ECHDC2: variants seen among roughly 807,000 people sequenced by gnomAD.
ECHDC2 encodes the protein enoyl-CoA hydratase domain containing 2, also known as enoyl-CoA hydratase domain-containing protein 2, mitochondrial.
A neutral mutation model predicts 40.6 loss-of-function variants in ECHDC2; 34 were observed. That is an observed-to-expected ratio of 0.84 (90% CI 0.64 to 1.11). ECHDC2 has a LOEUF of 1.11. Among genes scored for constraint, ECHDC2 ranks in the 50% most tolerant of loss-of-function variants. The pLI, the probability that ECHDC2 is intolerant of heterozygous loss-of-function variation, is 0.00. For missense variants in ECHDC2, 392 were observed against 400.7 expected (o/e 0.98, Z 0.19); for synonymous variants, 162 against 166.6 (o/e 0.97, Z 0.21).
intron 1 of ECHDC2, among the ~76,000 whole-genome samples, chr1:52,916,574 C>G (rs1650705279): frequency 6.6e-6 from 1 of 152,156 alleles, no homozygotes; most frequent in East Asian, 1.9e-4. Context: ...TGTAAAACGC[C>G]CAGATACTAG....
chr1:52,897,113 T>C, intron 9 of ECHDC2: 1 of 438,490 alleles, frequency 2.3e-6, no homozygotes, highest in South Asian at 3.1e-5. Context: ...GCCCTTGACC[T>C]CCCAACTCCA....
intron 1 of ECHDC2, among the ~76,000 whole-genome samples, chr1:52,918,467 C>T (rs943327485): frequency 2.0e-5 from 3 of 151,968 alleles, no homozygotes; most frequent in African/African-American, 4.8e-5. Context: ...GCTCCATGCA[C>T]GTTATCGCCC....
At chr1:52,913,763 C>G (rs554136745) in intron 1 of ECHDC2, 10 of 222,968 alleles carry the variant, frequency 4.5e-5, no homozygotes, top group Admixed American at 1.7e-4. Context: ...CACTGATGCA[C>G]TGTCGCCACC....
At chr1:52,920,329 G>C (rs1047750846) in intron 1 of ECHDC2, 1 of 637,444 alleles carries the variant, frequency 1.6e-6, no homozygotes, top group Non-Finnish European at 2.8e-6. Context: ...GGATTTTATG[G>C]CAAAGCCCCG....
At chr1:52,897,907 A>G (rs191325752) in intron 8 of ECHDC2, 1 of 257,326 alleles carries the variant, frequency 3.9e-6, no homozygotes, top group African/African-American at 2.2e-5. Flanking sequence ...AACCTGAGGC[A>G]TAGAAAGGTG....
chr1:52,910,659 G>A (rs1649247110), intron 3 of ECHDC2, among the ~76,000 whole-genome samples: 1 of 152,066 alleles, frequency 6.6e-6, no homozygotes. Context: ...GTGAGCCACT[G>A]CACCCAGCCC....
chr1:52,921,387 C>G (rs1479131509), intron 1 of ECHDC2, 166 bp downstream of exon 1: 1 of 1,395,404 alleles, frequency 7.2e-7, no homozygotes, highest in African/African-American at 1.5e-5. Context: ...GCCACTAAGG[C>G]GGCCGCCCAC....
At chr1:52,907,809 G>T in intron 4 of ECHDC2, 59 bp downstream of exon 4, 2 of 1,432,474 alleles carry the variant, frequency 1.4e-6, no homozygotes, top group Non-Finnish European at 2.0e-6. Context: ...GGGGGTAGCG[G>T]GACTGTCATC....
At chr1:52,898,311 C>T (rs1173873156) in intron 8 of ECHDC2, 1 of 152,396 alleles carries the variant, frequency 6.6e-6, no homozygotes. Context: ...AACTCCGCCT[C>T]CTGGGTTCAA....
At chr1:52,918,288 G>A (rs897496723) in intron 1 of ECHDC2, among the ~76,000 whole-genome samples, 2 of 151,598 alleles carry the variant, frequency 1.3e-5, no homozygotes, top group Non-Finnish European at 2.9e-5. Flanking sequence ...CCCTCTCAAC[G>A]TGCTGGGATT....
At chr1:52,919,005 T>C (rs1651333884) in intron 1 of ECHDC2, among the ~76,000 whole-genome samples, 1 of 152,164 alleles carries the variant, frequency 6.6e-6, no homozygotes, top group Non-Finnish European at 1.5e-5. Flanking sequence ...GTGGTGGCAT[T>C]AGAATCTCAT....
chr1:52,919,602 C>T (rs1486497641), intron 1 of ECHDC2, among the ~76,000 whole-genome samples: 3 of 152,164 alleles, frequency 2.0e-5, no homozygotes, highest in Non-Finnish European at 4.4e-5. Flanking sequence ...GAAATAAAGC[C>T]GCTAAGAACA....
intron 1 of ECHDC2, chr1:52,912,044 G>C: frequency 7.1e-7 from 1 of 1,400,878 alleles, no homozygotes; most frequent in Admixed American, 2.9e-5. Flanking sequence ...ATGGGGAGAG[G>C]AACAACAGTG....
intron 7 of ECHDC2, chr1:52,901,893 A>G (rs1008594284): frequency 3.9e-5 from 6 of 152,222 alleles, no homozygotes; most frequent in African/African-American, 1.4e-4. Context: ...GAAAGCTGCA[A>G]TCAGCCACTC....
intron 1 of ECHDC2, chr1:52,913,832 AC>A: frequency 1.2e-6 from 1 of 800,566 alleles, no homozygotes; most frequent in Non-Finnish European, 1.6e-6. Flanking sequence ...GTGGGTTTAC[AC>A]AGATGCATAA....
chr1:52,918,032 G>C (rs972245665), intron 1 of ECHDC2, among the ~76,000 whole-genome samples: 1 of 152,020 alleles, frequency 6.6e-6, no homozygotes. Context: ...ACAGTAACAC[G>C]ATCATGGCTC....
rs1557469769 is a variant in ECHDC2, at chr1:52,897,058, AG to A, written c.801+378del. On this transcript the variant is annotated intron_variant, in intron 9 of 9. Transcript: ENST00000371522. ...TAAGAGATTTAATAGGTCAGTCCCAAGTGTACAGCCCCTACATTGAACACAG... is the reference window on the plus strand; with the variant it reads ...TAAGAGATTTAATAGGTCAGTCCCAATGTACAGCCCCTACATTGAACACAG... 3 of 336,794 alleles carry A rather than the reference AG, an allele frequency of 8.9e-6. No individual in the cohort carries two copies. In the East Asian group the frequency reaches 1.6e-4, roughly 18 times the overall value. The allele number at this position is 336,794 out of a possible 1,614,324, so 20.9% of individuals were successfully genotyped here. A position where few individuals can be genotyped will look rare whatever the true frequency, so the allele number is the denominator to read the frequency against.
chr1:52,905,199 C>T, intron 5 of ECHDC2, 109 bp from the exon 6 acceptor site: 5 of 1,269,836 alleles, frequency 3.9e-6, no homozygotes, highest in Non-Finnish European at 5.6e-6. Context: ...AGCCACTTGC[C>T]CCATGGTCTG....
intron 7 of ECHDC2, among the ~76,000 whole-genome samples, chr1:52,902,989 T>G (rs1647083266): frequency 6.6e-6 from 1 of 152,186 alleles, no homozygotes; most frequent in Non-Finnish European, 1.5e-5. Context: ...TAGTCTAACT[T>G]AGCTCCATTT....
Sources: gnomAD v4.1 joint callset for allele counts (sites outside exome capture counted in the v4.1 genomes callset) on GRCh38, gnomAD v4.1.1 for gene constraint, MANE v1.5 for transcripts, NCBI Gene and HGNC (gene_info 2026-07-23, HGNC 2026-07-21) for gene names.